Variants in COL9A1 observed in about 807,000 individuals in gnomAD.
The protein encoded by COL9A1 is collagen alpha-1(IX) chain.
In COL9A1, 104 loss-of-function variants were observed where a neutral mutation model predicts 142.6. That is an observed-to-expected ratio of 0.73 (90% CI 0.62 to 0.86). COL9A1 has a LOEUF of 0.86. Ranked by LOEUF, COL9A1 falls within the 40% of genes least tolerant of loss-of-function variation. The pLI is 0.00. For missense variants in COL9A1, 1,210 were observed against 1,176.6 expected, an observed-to-expected ratio of 1.03 and a Z score of -0.42; for synonymous variants, 466 against 396.0, an observed-to-expected ratio of 1.18 and a Z score of -2.10.
intron 10 of COL9A1, among the ~76,000 whole-genome samples, chr6:70,277,874 G>A (rs1014106865): frequency 2.0e-5 from 3 of 152,184 alleles, no homozygotes; most frequent in African/African-American, 7.2e-5. Flanking sequence ...GGTCCTACCA[G>A]CACACTCAGG....
intron 18 of COL9A1, among the ~76,000 whole-genome samples, chr6:70,263,998 C>T (rs959548930): frequency 3.4e-4 from 51 of 151,864 alleles, no homozygotes; most frequent in African/African-American, 1.2e-3. Flanking sequence ...GGCCACTCTT[C>T]CAATAATAGA....
intron 34 of COL9A1, 71 bp from the exon 35 acceptor site, chr6:70,234,664 G>A (rs964055978): frequency 1.9e-6 from 3 of 1,605,564 alleles, no homozygotes; most frequent in Non-Finnish European, 2.6e-6. Context: ...GTTGTAAACT[G>A]ACAGACTCTG....
chr6:70,263,277 T>C lies in COL9A1; in HGVS notation c.1362A>G (p.Gly454=), dbSNP rs1193555702. 1.2e-6 allele frequency: 2 copies of C among 1,609,622 alleles called. No homozygotes were observed. Among genetic ancestry groups the C allele is most frequent in the Admixed American group, 1.7e-5 (1 of 59,900 alleles). The stretch of plus-strand genomic sequence containing the variant: ...CTTGAGCTCCAACTTCTCCGAGTTC[T>C]CCCTGGTCACCTTCTTCACCCTAAA... ...QGHKGEEGDQ[G]ELGEVGAQGP... is the part of the protein sequence containing the mutation. Residue 454 remains glycine (G), a synonymous_variant, in exon 19 of 38, where the codon GGA becomes GGG. Coordinates refer to ENST00000357250, the MANE Select transcript of COL9A1 (RefSeq NM_001851.6).
intron 10 of COL9A1, among the ~76,000 whole-genome samples, chr6:70,279,188 C>A (rs1772954308): frequency 6.6e-6 from 1 of 152,100 alleles, no homozygotes; most frequent in Non-Finnish European, 1.5e-5. Context: ...CATTAGGCTA[C>A]CAGTTTGTTC....
At position 70,281,404 on chromosome 6, in the gene COL9A1, T is replaced by C; in HGVS notation, c.862A>G (p.Ile288Val). The change falls in exon 8 of 38, where the codon ATC becomes GTC. Residue 288 changes from isoleucine to valine, a missense_variant. Coordinates refer to ENST00000357250, the MANE Select transcript of COL9A1 (RefSeq NM_001851.6). ...TAGAAACTTACGTCGATGCCATCGA[T>C]GCCTGGAACTCCAGGGGGGCCCGGA... ...GPPGPPGVPG[I>V]DGIDGDRGPK... 13 of 1,611,344 alleles carry C rather than the reference T, an allele frequency of 8.1e-6. No homozygotes were observed. The highest frequency in any genetic ancestry group is 1.7e-4 in the Middle Eastern group (1 of 6,042).
At position 70,216,940 on chromosome 6, in the gene COL9A1, A is replaced by G. The variant is rs1412263011; in HGVS notation, c.2723T>C (p.Met908Thr). The stretch of plus-strand genomic sequence containing the variant: ...GTTAAATGCTCGCTGACCAGCCTGC[A>G]TGGTGCAGGAGGCTGGCTCACAGAA... ...PGFCEPASCT[M>T]QAGQRAFNKG... The change falls in exon 38 of 38, where the codon ATG becomes ACG. Residue 908 changes from methionine to threonine, a missense_variant. By Grantham distance (81) the Met-to-Thr change is moderately conservative. Transcript: ENST00000357250. 4.3e-6 allele frequency: 7 copies of G among 1,613,992 alleles called. No individual in the cohort carries two copies. The highest frequency in any genetic ancestry group is 5.1e-6 in the Non-Finnish European group (6 of 1,180,032).
chr6:70,270,837 A>T (rs1039835100), intron 14 of COL9A1, among the ~76,000 whole-genome samples: 2 of 152,298 alleles, frequency 1.3e-5, no homozygotes, highest in Middle Eastern at 3.4e-3. Context: ...CCCACAATCT[A>T]TCACTTGGTC....
chr6:70,242,374 GCACCATT>G (rs1770316187), intron 29 of COL9A1, among the ~76,000 whole-genome samples: 1 of 152,116 alleles, frequency 6.6e-6, no homozygotes, highest in South Asian at 2.1e-4. Flanking sequence ...GAAGTAAAAG[GCACCATT>G]CACTCTGTTT....
intron 28 of COL9A1, among the ~76,000 whole-genome samples, chr6:70,243,907 T>G (rs991847259): frequency 6.6e-6 from 1 of 152,176 alleles, no homozygotes; most frequent in African/African-American, 2.4e-5. Flanking sequence ...TCCTGGAAGG[T>G]GCATATAAAA....
At chr6:70,288,053 G>A (rs754830201) in intron 5 of COL9A1, among the ~76,000 whole-genome samples, 6 of 151,972 alleles carry the variant, frequency 3.9e-5, no homozygotes, top group Non-Finnish European at 7.4e-5. Context: ...GTTGAACTCC[G>A]AAAGCATATA....
rs755023819 is a variant in COL9A1 at position 70,294,154 on chromosome 6, G to A, written c.696+13C>T. 6 of 1,613,836 alleles carry A rather than the reference G, an allele frequency of 3.7e-6. No individual in the cohort carries two copies. The highest frequency in any genetic ancestry group is 1.1e-5 in the South Asian group (1 of 91,058). ...TTGCTTTAATCTGCCATAGTGTGTG[G>A]TTTTATACTTACTGGAACAGAAACT... is the stretch of plus-strand genomic sequence containing the variant. On this transcript the variant is annotated intron_variant, in intron 5 of 37. Transcript: ENST00000357250.
chr6:70,255,130 G>A lies in COL9A1; in HGVS notation c.1611+20C>T, dbSNP rs1338502811. 6.2e-7 allele frequency: 1 copy of A among 1,614,104 alleles called. No individual in the cohort carries two copies. The highest frequency in any genetic ancestry group is 8.5e-7 in the Non-Finnish European group (1 of 1,179,960). On this transcript the variant is annotated intron_variant, in intron 23 of 37. Coordinates refer to ENST00000357250, the MANE Select transcript of COL9A1 (RefSeq NM_001851.6). ...ATGATCACTGAAAAATGTGCTTGAT[G>A]ACTACAGCTCAGGACATACCGTGTC...
rs192626348 is a variant in COL9A1, at chr6:70,274,208, C to T, written c.1030-126G>A. 2.3e-5 allele frequency: 15 copies of T among 643,026 alleles called. No individual in the cohort carries two copies. The African/African-American group carries it at 2.5e-4, about 11-fold the overall frequency. The allele number at this position is 643,026 out of a possible 1,614,324, so 39.8% of individuals were successfully genotyped here. On this transcript the variant is annotated intron_variant, in intron 11 of 37. Transcript: ENST00000357250. ...GTGTTTTTTTTTTTTAAATTTCCAACTTTTATTTTAAGTTCAGGGGTACAT... is the reference window on the plus strand; with the variant it reads ...GTGTTTTTTTTTTTTAAATTTCCAATTTTTATTTTAAGTTCAGGGGTACAT...
intron 31 of COL9A1, among the ~76,000 whole-genome samples, 161 bp downstream of exon 31, chr6:70,241,258 G>C (rs1170395926): frequency 3.9e-5 from 6 of 152,090 alleles, no homozygotes; most frequent in Non-Finnish European, 7.4e-5. Flanking sequence ...ACAATGCTGC[G>C]GACCAAACTC....
intron 5 of COL9A1, among the ~76,000 whole-genome samples, chr6:70,286,692 G>A (rs1476042543): frequency 6.6e-6 from 1 of 152,182 alleles, no homozygotes; most frequent in Non-Finnish European, 1.5e-5. Context: ...TCCAAGTGAA[G>A]CTTCCTGATT....
At chr6:70,252,239 G>A in intron 27 of COL9A1, 23 bp downstream of exon 27, 1 of 1,614,136 alleles carries the variant, frequency 6.2e-7, no homozygotes, top group Middle Eastern at 1.6e-4. Flanking sequence ...TAGAACTTCA[G>A]GAGAGGTAAA....
At chr6:70,282,766 A>T in intron 7 of COL9A1, 132 bp downstream of exon 7, 2 of 1,375,062 alleles carry the variant, frequency 1.5e-6, no homozygotes, top group Non-Finnish European at 2.0e-6. Context: ...CAGGTGCTCG[A>T]GGCTGGAGGA....
chr6:70,301,945 C>A lies in COL9A1; in HGVS notation c.88+56G>T, dbSNP rs959550512. ...CAGTCTTCAGTCAGCCACAGCCCTG[C>A]CTGATCATTTCTGGGAATAAGTGAT... On this transcript the variant is annotated intron_variant, in intron 2 of 37. Coordinates refer to ENST00000357250, the MANE Select transcript of COL9A1 (RefSeq NM_001851.6). 10 of 1,378,192 alleles carry A rather than the reference C, an allele frequency of 7.3e-6. No individual in the cohort carries two copies. The African/African-American group carries it at 1.4e-4, about 20-fold the overall frequency. 85.4% of individuals were successfully genotyped at this position (1,378,192 alleles called of 1,614,324 possible). A position where few individuals can be genotyped will look rare whatever the true frequency, so the allele number is the denominator to read the frequency against.
chr6:70,278,835 T>C (rs1772929391), intron 10 of COL9A1, among the ~76,000 whole-genome samples: 1 of 152,224 alleles, frequency 6.6e-6, no homozygotes, highest in African/African-American at 2.4e-5. Context: ...AAGTTTCTGT[T>C]AGAGTGGGGA....
Sources: allele counts gnomAD v4.1 joint callset (sites outside exome capture counted in the v4.1 genomes callset), GRCh38; gene constraint gnomAD v4.1.1; transcripts MANE v1.5; gene names NCBI Gene and HGNC (gene_info 2026-07-23, HGNC 2026-07-21).